The following ZNF254 variants were observed in gnomAD, a reference collection of about 807,000 sequenced individuals.
The protein encoded by ZNF254 is CTD-2017D11.1.
A neutral mutation model predicts 12.4 loss-of-function variants in ZNF254; 10 were observed. The observed-to-expected ratio is 0.80, with a 90% CI of 0.50 to 1.36. The LOEUF (loss-of-function observed/expected upper bound fraction) is 1.36. Ranked by LOEUF, ZNF254 falls within the 40% of genes most tolerant of loss-of-function variation. The pLI is 0.00. For missense variants in ZNF254, 996 were observed against 763.9 expected, an observed-to-expected ratio of 1.30 and a Z score of -3.58; for synonymous variants, 305 against 253.4, an observed-to-expected ratio of 1.20 and a Z score of -1.93.
chr19:24,094,000 G>C (rs1202849968), intron 1 of ZNF254, among the ~76,000 whole-genome samples: 1 of 152,012 alleles, frequency 6.6e-6, no homozygotes, highest in Non-Finnish European at 1.5e-5. Flanking sequence ...TCACCTTCCT[G>C]GTATTCGTAG....
intron 2 of ZNF254, chr19:24,066,227 A>G (rs1971265022): frequency 1.3e-5 from 2 of 152,038 alleles, no homozygotes; most frequent in Admixed American, 6.6e-5. Flanking sequence ...ACCAGATGAT[A>G]TATTTCTCCT....
intron 3 of ZNF254, among the ~76,000 whole-genome samples, chr19:24,113,533 C>T (rs1397398286): frequency 6.6e-6 from 1 of 152,082 alleles, no homozygotes; most frequent in African/African-American, 2.4e-5. Flanking sequence ...TGTGACGTAT[C>T]TCAAAATAAT....
At chr19:24,084,929 A>C (rs933196070), upstream of ZNF254, among the ~76,000 whole-genome samples, 2 of 127,768 alleles carry the variant, frequency 1.6e-5, no homozygotes, top group Non-Finnish European at 3.3e-5. Context: ...GAGTGACCAC[A>C]ATCTTTTTTT....
Position 24,087,214 on chromosome 19 carries a change from C to G in ZNF254, c.-94C>G, listed in dbSNP as rs868649331. On this transcript the variant is annotated 5_prime_UTR_variant, in exon 1 of 4. Coordinates refer to ENST00000357002, the MANE Select transcript of ZNF254 (RefSeq NM_203282.4). The stretch of plus-strand genomic sequence containing the variant: ...CTTTGTCTCTCGCTGTCGCCGGAGT[C>G]CCAGGTCTGTCTTCACTGCTCTGTG... 1 of 1,564,716 alleles carries G rather than the reference C, an allele frequency of 6.4e-7. No individual in the cohort carries two copies.
intron 2 of ZNF254, among the ~76,000 whole-genome samples, chr19:24,077,276 A>G (rs1971691524): frequency 6.6e-6 from 1 of 152,216 alleles, no homozygotes. Flanking sequence ...TCTAAAATGT[A>G]TTAGAAGACT....
In ZNF254 at chr19:24,126,853, A is replaced by G. The variant is rs761662370; in HGVS notation, c.853A>G (p.Lys285Glu). The stretch of plus-strand genomic sequence containing the variant: ...TCGATCCTCAAATCTTACTACACAT[A>G]AGATAATTCATACTGGAGAGAAACC... ...FNRSSNLTTH[K>E]IIHTGEKPYK... The change falls in exon 4 of 4, where the codon AAG (lysine) becomes GAG (glutamate). Residue 285 changes from lysine (K) to glutamate (E), a missense_variant. Lys to Glu is a moderately conservative substitution (Grantham distance 56, BLOSUM62 1). Coordinates refer to ENST00000357002, the MANE Select transcript of ZNF254 (RefSeq NM_203282.4). 1 of 1,613,498 alleles carries G rather than the reference A, an allele frequency of 6.2e-7. No individual in the cohort carries two copies. The highest frequency in any genetic ancestry group is 8.5e-7 in the Non-Finnish European group (1 of 1,179,774).
intron 2 of ZNF254, among the ~76,000 whole-genome samples, chr19:24,049,212 A>ATTTTTT (rs1179977299): frequency 4.8e-3 from 204 of 42,122 alleles, no homozygotes; most frequent in Non-Finnish European, 7.0e-3. Context: ...ATATATATAT[A>ATTTTTT]TATTTTTTTT....
At chr19:24,117,068 G>A (rs1363893590) in intron 3 of ZNF254, among the ~76,000 whole-genome samples, 1 of 152,114 alleles carries the variant, frequency 6.6e-6, no homozygotes, top group Non-Finnish European at 1.5e-5. Flanking sequence ...TTGTCTCAGA[G>A]GAGTACCCAG....
rs1386664630 is a variant in ZNF254 at position 24,127,297 on chromosome 19, C to A, written c.1297C>A (p.Pro433Thr). The A allele has an allele frequency of 2.5e-6, 4 of 1,613,638 alleles. No homozygotes were observed. Among genetic ancestry groups the A allele is most frequent in the African/African-American group, 1.3e-5 (1 of 74,986 alleles). ...TAAGATAATTCATACTGGAGAGAAA[C>A]CTTACAAGTGTGAAGAATGTGGCAA... The part of the protein sequence containing the change: ...THKIIHTGEK[P>T]YKCEECGKAF... Residue 433 changes from proline to threonine, a missense_variant, in exon 4 of 4, where the codon CCT (proline) becomes ACT (threonine). Coordinates refer to ENST00000357002, the MANE Select transcript of ZNF254 (RefSeq NM_203282.4).
intron 3 of ZNF254, among the ~76,000 whole-genome samples, chr19:24,121,258 T>C (rs550946136): frequency 6.6e-6 from 1 of 152,324 alleles, no homozygotes; most frequent in African/African-American, 2.4e-5. Flanking sequence ...TTTCCCCATA[T>C]TCTTCTTCTA....
chr19:24,107,231 T>C (rs776753986), intron 3 of ZNF254: 1 of 654,538 alleles, frequency 1.5e-6, no homozygotes, highest in Admixed American at 2.5e-5. Flanking sequence ...GATTTTTCAT[T>C]ACTGTGAAGA....
chr19:24,106,998 CTT>C, intron 3 of ZNF254: 1 of 416,870 alleles, frequency 2.4e-6, no homozygotes. Context: ...TTTAAGTTCT[CTT>C]TTTGCATCAT....
intron 3 of ZNF254, among the ~76,000 whole-genome samples, chr19:24,108,317 A>C (rs1973461898): frequency 6.6e-6 from 1 of 152,174 alleles, no homozygotes; most frequent in African/African-American, 2.4e-5. Flanking sequence ...ATGTTTACAG[A>C]GTAAGTTTAA....
At chr19:24,124,987 G>A (rs746725291) in intron 3 of ZNF254, among the ~76,000 whole-genome samples, 1 of 152,082 alleles carries the variant, frequency 6.6e-6, no homozygotes, top group East Asian at 1.9e-4. Flanking sequence ...GTTTTGCCAT[G>A]TTGGTCAGGT....
At chr19:24,069,604 CAAAAA>C (rs968664535) in intron 2 of ZNF254, among the ~76,000 whole-genome samples, 97 of 36,704 alleles carry the variant, frequency 2.6e-3, no homozygotes, top group African/African-American at 0.01. Context: ...GACTCCATCT[CAAAAA>C]AAAAAAAAAA....
intron 2 of ZNF254, among the ~76,000 whole-genome samples, chr19:24,058,554 T>A (rs1970950148): frequency 6.6e-6 from 1 of 152,004 alleles, no homozygotes; most frequent in Admixed American, 6.6e-5. Flanking sequence ...ATTACAGGCA[T>A]GCGCCACCAC....
chr19:24,103,749 G>A (rs1168704214), intron 1 of ZNF254: 2 of 150,454 alleles, frequency 1.3e-5, no homozygotes, highest in East Asian at 3.9e-4. Context: ...TTTTTGAGAT[G>A]GAGTCTCGCT....
chr19:24,106,225 A>T (rs1973332507), intron 2 of ZNF254, 159 bp downstream of exon 2: 1 of 1,035,198 alleles, frequency 9.7e-7, no homozygotes, highest in Admixed American at 3.3e-5. Context: ...TTTCATCTTG[A>T]CCTGAACTTT....
At chr19:24,113,875 T>G (rs1296529023) in intron 3 of ZNF254, among the ~76,000 whole-genome samples, 2 of 152,138 alleles carry the variant, frequency 1.3e-5, no homozygotes, top group African/African-American at 4.8e-5. Flanking sequence ...ATCACAAGCA[T>G]TCTTATACAC....
Sources: allele counts gnomAD v4.1 joint callset (sites outside exome capture counted in the v4.1 genomes callset), GRCh38; gene constraint gnomAD v4.1.1; transcripts MANE v1.5; gene names NCBI Gene and HGNC (gene_info 2026-07-23, HGNC 2026-07-21).